Variants in ZNF808 observed in about 807,000 individuals in gnomAD.
ZNF808 encodes zinc finger protein 808.
ZNF808 carries 5 observed loss-of-function variants against 8.7 expected under a neutral mutation model. The ratio of observed to expected loss-of-function variants is 0.58; its 90% CI spans 0.30 to 1.21. The LOEUF (loss-of-function observed/expected upper bound fraction) is 1.21, where lower values mean the gene tolerates loss of function less well. ZNF808 is among the 50% of genes most tolerant of loss of function. The pLI, the probability that ZNF808 is intolerant of heterozygous loss-of-function variation, is 0.07. For synonymous variants in ZNF808, 380 were observed against 366.0 expected (o/e 1.04, Z -0.44); for missense variants, 1,103 against 1,098.4 (o/e 1.00, Z -0.06).
chr19:52,530,458 TC>T (rs2059551498), intron 1 of ZNF808, among the ~76,000 whole-genome samples: 1 of 150,894 alleles, frequency 6.6e-6, no homozygotes, highest in Non-Finnish European at 1.5e-5. Flanking sequence ...GGTCAGGAGT[TC>T]AAGACCAGCC....
downstream of ZNF808, chr19:52,556,817 T>G (rs1457756728): frequency 6.6e-6 from 1 of 152,072 alleles, no homozygotes; most frequent in Non-Finnish European, 1.5e-5. Context: ...TGGTTTTCAG[T>G]TTCCTTTCCT....
chr19:52,539,257 A>C (rs1427799673), intron 2 of ZNF808, among the ~76,000 whole-genome samples: 1 of 140,774 alleles, frequency 7.1e-6, no homozygotes, highest in Non-Finnish European at 1.5e-5. Flanking sequence ...GGAGTGGAGC[A>C]GTCTTGACTC....
intron 3 of ZNF808, among the ~76,000 whole-genome samples, chr19:52,546,943 CT>C (rs1172936091): frequency 1.3e-3 from 100 of 78,478 alleles, no homozygotes; most frequent in African/African-American, 1.8e-3. Flanking sequence ...CCTGGAATTG[CT>C]TTTTTTTTTT....
intron 3 of ZNF808, chr19:52,563,312 C>CATA (rs1217865834): frequency 6.6e-6 from 1 of 152,074 alleles, no homozygotes; most frequent in Non-Finnish European, 1.5e-5. Context: ...TATGATTTTA[C>CATA]ATAAGGCTTT....
chr19:52,562,326 C>T (rs8113404), intron 3 of ZNF808, among the ~76,000 whole-genome samples: 49,838 of 151,830 alleles, frequency 0.33, 8,622 homozygotes, highest in African/African-American at 0.41. Flanking sequence ...TGCAGTGAGC[C>T]AAGATCATGC....
chr19:52,555,489 G>A lies in ZNF808; in HGVS notation c.2573G>A (p.Arg858His), dbSNP rs2059827508. The A allele has an allele frequency of 4.3e-6, 7 of 1,613,552 alleles. No individual in the cohort carries two copies. Among genetic ancestry groups the A allele is most frequent in the East Asian group, 2.2e-5 (1 of 44,844 alleles). ...KCEACDKVFS[R>H]KSHLKRHRII... ...GAAGCATGTGACAAAGTTTTCAGTC[G>A]CAAATCACACCTTAAAAGACATAGG... is the stretch of plus-strand genomic sequence containing the variant. Residue 858 changes from arginine (R) to histidine (H), a missense_variant, in exon 5 of 5, where the codon CGC (arginine) becomes CAC (histidine). Arg to His is a conservative substitution (Grantham distance 29). Transcript: ENST00000359798.
rs2059675119 is a variant in ZNF808, at chr19:52,541,972, C to G, written c.-19-1294C>G. Among the ~76,000 whole-genome samples, 12 of 152,256 alleles carry G rather than the reference C, an allele frequency of 7.9e-5. 1 individual carries two copies. In the South Asian group the frequency reaches 2.5e-3, roughly 32 times the overall value. ...GACTGTGTACTTCTGGAAACTTAGC[C>G]AAACTTGACAGCATGTATTTTATAT... On this transcript the variant is annotated intron_variant, in intron 2 of 4. Transcript: ENST00000359798.
At chr19:52,558,353 C>G (rs1389608582), downstream of ZNF808, among the ~76,000 whole-genome samples, 2 of 133,386 alleles carry the variant, frequency 1.5e-5, no homozygotes, top group East Asian at 2.4e-4. Context: ...TGAGCCACCG[C>G]GCCCGGCATC....
intron 2 of ZNF808, among the ~76,000 whole-genome samples, chr19:52,536,743 C>G (rs1158288833): frequency 6.6e-6 from 1 of 151,902 alleles, no homozygotes; most frequent in Non-Finnish European, 1.5e-5. Context: ...GGGAGGACAC[C>G]GGGGGATCTG....
chr19:52,538,330 A>AATTATT (rs760151370), intron 2 of ZNF808, among the ~76,000 whole-genome samples: 2 of 124,324 alleles, frequency 1.6e-5, no homozygotes, highest in Admixed American at 1.7e-4. Context: ...CCTACATACT[A>AATTATT]ATTATTATTA....
chr19:52,553,972 T>A lies in ZNF808; in HGVS notation c.1056T>A (p.Phe352Leu), dbSNP rs772917823. The A allele has an allele frequency of 2.5e-6, 4 of 1,613,962 alleles. No homozygotes were observed. In the African/African-American group the frequency reaches 5.3e-5, roughly 22 times the overall value. Residue 352 changes from phenylalanine (F) to leucine (L), a missense_variant, in exon 5 of 5, where the codon TTT becomes TTA. Coordinates refer to ENST00000359798, the MANE Select transcript of ZNF808 (RefSeq NM_001039886.4). ...PYKCNECGKA[F>L]NQQSHLSRHQ... ...AGTGTAATGAATGTGGCAAGGCTTT[T>A]AATCAACAATCACACCTTTCACGCC... is the stretch of plus-strand genomic sequence containing the variant.
At chr19:52,566,534 G>T (rs1260711983), downstream of ZNF808, among the ~76,000 whole-genome samples, 1 of 152,052 alleles carries the variant, frequency 6.6e-6, no homozygotes, top group Non-Finnish European at 1.5e-5. Context: ...AATTTAAAAC[G>T]CAAATAATAG....
At chr19:52,543,193 G>T in intron 2 of ZNF808, 73 bp from the exon 3 acceptor site, 1 of 1,494,230 alleles carries the variant, frequency 6.7e-7, no homozygotes, top group Non-Finnish European at 9.2e-7. Context: ...GACATCTCCC[G>T]GTTCATGTGG....
intron 3 of ZNF808, 128 bp from the exon 4 acceptor site, chr19:52,547,384 C>T: frequency 6.5e-7 from 1 of 1,531,708 alleles, no homozygotes; most frequent in South Asian, 1.3e-5. Context: ...GTCAAAAATA[C>T]CTTAACATCC....
At chr19:52,561,501 C>T (rs1185797157) in intron 3 of ZNF808, among the ~76,000 whole-genome samples, 1 of 151,834 alleles carries the variant, frequency 6.6e-6, no homozygotes, top group Non-Finnish European at 1.5e-5. Context: ...TACATGAACA[C>T]ACTGGCCTGC....
chr19:52,547,412 C>G, intron 3 of ZNF808, 100 bp from the exon 4 acceptor site: 1 of 1,592,180 alleles, frequency 6.3e-7, no homozygotes, highest in Non-Finnish European at 8.5e-7. Context: ...AGAACACAGT[C>G]TTTGATCAAA....
At chr19:52,538,637 C>CAAAAA (rs68018028) in intron 2 of ZNF808, among the ~76,000 whole-genome samples, 10 of 128,312 alleles carry the variant, frequency 7.8e-5, no homozygotes, top group Admixed American at 1.7e-4. Flanking sequence ...TCAAAAAAAC[C>CAAAAA]AAAAAAGAAT....
chr19:52,564,249 G>A, exon 4 of ZNF808: 1 of 914,658 alleles, frequency 1.1e-6, no homozygotes, highest in Non-Finnish European at 1.8e-6. Context: ...CACGTGAGAT[G>A]GCACACATAT....
chr19:52,538,351 T>TATTATTATTATTATTATTATTATTATC (rs1479612086), intron 2 of ZNF808, among the ~76,000 whole-genome samples: 1,946 of 144,392 alleles, frequency 0.013, no homozygotes, highest in Non-Finnish European at 0.02. Flanking sequence ...TTATTATTAT[T>TATTATTATTATTATTATTATTATTATC]AGTTTTTTGA....
Sources: gnomAD v4.1 joint callset for allele counts (sites outside exome capture counted in the v4.1 genomes callset) on GRCh38, gnomAD v4.1.1 for gene constraint, MANE v1.5 for transcripts, NCBI Gene and HGNC (gene_info 2026-07-23, HGNC 2026-07-21) for gene names.